The following GTPBP10 variants were observed in gnomAD, a reference collection of about 807,000 sequenced individuals.
GTPBP10 encodes GTP binding protein 10.
Under a neutral mutation model 44.8 loss-of-function variants are expected in GTPBP10, and 38 were observed. That is an observed-to-expected ratio of 0.85 (90% CI 0.65 to 1.11). The LOEUF (loss-of-function observed/expected upper bound fraction) is 1.11. GTPBP10 is among the 50% of genes most tolerant of loss of function. The pLI, the probability that GTPBP10 is intolerant of heterozygous loss-of-function variation, is 0.00. For missense variants in GTPBP10, 462 were observed against 453.7 expected, an observed-to-expected ratio of 1.02 and a Z score of -0.17; for synonymous variants, 152 against 150.6, an observed-to-expected ratio of 1.01 and a Z score of -0.07.
intron 6 of GTPBP10, 85 bp downstream of exon 6, chr7:90,374,439 G>A (rs1796310760): frequency 2.3e-6 from 2 of 854,112 alleles, no homozygotes; most frequent in Non-Finnish European, 3.8e-6. Context: ...GTTTTTGCCT[G>A]TTTCTGTGGT....
At chr7:90,361,780 G>A (rs1450058545) in intron 4 of GTPBP10, among the ~76,000 whole-genome samples, 3 of 152,014 alleles carry the variant, frequency 2.0e-5, no homozygotes. Context: ...TTGGTTGGTA[G>A]GCTATTAATT....
At chr7:90,377,463 T>G (rs1018631133) in intron 6 of GTPBP10, 44 bp from the exon 7 acceptor site, 11 of 1,353,398 alleles carry the variant, frequency 8.1e-6, no homozygotes, top group Admixed American at 8.0e-5. Context: ...ACTTGCGGTT[T>G]TCATACATTT....
At chr7:90,371,744 C>T (rs771026022) in intron 4 of GTPBP10, among the ~76,000 whole-genome samples, 7 of 152,150 alleles carry the variant, frequency 4.6e-5, no homozygotes, top group Non-Finnish European at 1.0e-4. Context: ...GAATTCATTA[C>T]ACCTCTCTAC....
intron 1 of GTPBP10, 148 bp downstream of exon 1, chr7:90,346,922 T>C: frequency 2.3e-6 from 2 of 852,744 alleles, no homozygotes; most frequent in South Asian, 3.0e-5. Context: ...GTAGTGGCGC[T>C]TTGTCAGTAA....
At chr7:90,381,678 A>G (rs1003140209) in intron 8 of GTPBP10, among the ~76,000 whole-genome samples, 2 of 152,368 alleles carry the variant, frequency 1.3e-5, no homozygotes, top group Non-Finnish European at 2.9e-5. Context: ...CTACAAAGCT[A>G]TCATAATCAA....
intron 8 of GTPBP10, among the ~76,000 whole-genome samples, chr7:90,379,001 C>A (rs1466894529): frequency 6.6e-6 from 1 of 152,130 alleles, no homozygotes; most frequent in Admixed American, 6.5e-5. Flanking sequence ...TTGCACCTGG[C>A]CTTTGTTGTT....
chr7:90,370,577 A>C (rs78135007), intron 4 of GTPBP10, among the ~76,000 whole-genome samples: 23,443 of 152,014 alleles, frequency 0.15, 2,165 homozygotes, highest in Middle Eastern at 0.21. Flanking sequence ...ATGAAAAACT[A>C]TCTGTTGGGT....
At chr7:90,354,646 C>A in intron 3 of GTPBP10, 97 bp downstream of exon 3, 1 of 640,838 alleles carries the variant, frequency 1.6e-6, no homozygotes, top group Non-Finnish European at 2.6e-6. Context: ...GATTTTTTAA[C>A]TAACAATTTT....
Position 90,390,953 on chromosome 7 carries a change from G to A in GTPBP10, c.*5799G>A, listed in dbSNP as rs1390189618. 1 of 152,174 alleles carries A rather than the reference G, an allele frequency of 6.6e-6. No homozygotes were observed. Among genetic ancestry groups the A allele is most frequent in the Non-Finnish European group, 1.5e-5 (1 of 68,032 alleles). The allele number at this position is 152,174 out of a possible 1,614,324, so 9.4% of individuals were successfully genotyped here. The stretch of plus-strand genomic sequence containing the variant: ...ATATTTTAAATCAAGGGCAGACATT[G>A]AGTAAAAGCTTATGACTTTGGATGG... On this transcript the variant is annotated 3_prime_UTR_variant, in exon 10 of 10. Transcript: ENST00000222511.
At chr7:90,348,492 G>A (rs913459936) in intron 1 of GTPBP10, among the ~76,000 whole-genome samples, 3 of 152,132 alleles carry the variant, frequency 2.0e-5, no homozygotes, top group Admixed American at 1.3e-4. Flanking sequence ...AAGAAAGTCA[G>A]AAAGAAGGGA....
intron 1 of GTPBP10, among the ~76,000 whole-genome samples, 171 bp downstream of exon 1, chr7:90,346,945 G>A (rs1795687908): frequency 6.6e-6 from 1 of 152,200 alleles, no homozygotes; most frequent in African/African-American, 2.4e-5. Flanking sequence ...GGTGACAGTG[G>A]TGTGTGTACC....
chr7:90,364,421 T>C (rs1487067862), intron 4 of GTPBP10, among the ~76,000 whole-genome samples: 2 of 152,194 alleles, frequency 1.3e-5, no homozygotes, highest in African/African-American at 4.8e-5. Context: ...TTTGCCTGGG[T>C]ATCAGCAGCA....
Position 90,371,010 on chromosome 7 carries a change from GATAAATAAATAAATAA to G in GTPBP10, c.465-1121_465-1106del, listed in dbSNP as rs10525850. 1.7e-3 allele frequency among the ~76,000 whole-genome samples: 247 copies of G among 145,074 alleles called. 4 individuals are homozygous for G. The East Asian group carries it at 0.019, about 11-fold the overall frequency. On this transcript the variant is annotated intron_variant, in intron 4 of 9. Transcript: ENST00000222511. The stretch of plus-strand genomic sequence containing the variant: ...AACAGAGCGAGACTCCATCTCAATA[GATAAATAAATAAATAA>G]ATAAATAAATAAATAAATAAATAGA...
chr7:90,359,231 G>A (rs1169545917), intron 4 of GTPBP10, among the ~76,000 whole-genome samples: 5 of 151,642 alleles, frequency 3.3e-5, no homozygotes, highest in Non-Finnish European at 5.9e-5. Flanking sequence ...GCGCCATGTC[G>A]GTTTGCTGCA....
intron 2 of GTPBP10, among the ~76,000 whole-genome samples, chr7:90,353,456 A>G (rs142630134): frequency 6.6e-6 from 1 of 152,370 alleles, no homozygotes; most frequent in African/African-American, 2.4e-5. Context: ...AAAAGTTTAG[A>G]ATACAAAAAT....
chr7:90,366,275 G>A (rs12534667), intron 4 of GTPBP10, among the ~76,000 whole-genome samples: 27,891 of 152,100 alleles, frequency 0.18, 2,674 homozygotes, highest in South Asian at 0.21. Context: ...TTGGTATCAG[G>A]ATGATGCTAG....
At chr7:90,370,342 G>GTGTA in intron 4 of GTPBP10, among the ~76,000 whole-genome samples, 1 of 151,918 alleles carries the variant, frequency 6.6e-6, no homozygotes, top group Middle Eastern at 3.4e-3. Context: ...TTGAGTGTGT[G>GTGTA]TGTGTGTGTG....
intron 4 of GTPBP10, among the ~76,000 whole-genome samples, chr7:90,363,002 T>A (rs112568282): frequency 0.015 from 2,348 of 152,264 alleles, 58 homozygotes; most frequent in African/African-American, 0.052. Flanking sequence ...TCTTCCTCTA[T>A]CCCTTTATTT....
At chr7:90,365,959 A>T (rs1305906061) in intron 4 of GTPBP10, among the ~76,000 whole-genome samples, 2 of 152,146 alleles carry the variant, frequency 1.3e-5, no homozygotes, top group Admixed American at 6.5e-5. Flanking sequence ...GTGTTTTGAG[A>T]GTTTTTAGCA....
Sources: gnomAD v4.1 joint callset for allele counts (sites outside exome capture counted in the v4.1 genomes callset) on GRCh38, gnomAD v4.1.1 for gene constraint, MANE v1.5 for transcripts, NCBI Gene and HGNC (gene_info 2026-07-23, HGNC 2026-07-21) for gene names.